KCNMA1: variants seen among roughly 807,000 people sequenced by gnomAD.
KCNMA1 encodes the protein Calcium-activated potassium channel subunit alpha-1.
A neutral mutation model predicts 140.0 loss-of-function variants in KCNMA1; 29 were observed. That is an observed-to-expected ratio of 0.21 (90% CI 0.15 to 0.28). The LOEUF (loss-of-function observed/expected upper bound fraction) is 0.28. Ranked by LOEUF, KCNMA1 falls within the 10% of genes least tolerant of loss-of-function variation. The pLI, the probability that KCNMA1 is intolerant of heterozygous loss-of-function variation, is 1.00. For missense variants in KCNMA1, 880 were observed against 1,602.2 expected (o/e 0.55, Z 7.70); for synonymous variants, 612 against 611.9 (o/e 1.00, Z 0.00).
intron 19 of KCNMA1, among the ~76,000 whole-genome samples, chr10:76,983,616 A>G (rs982317738): frequency 6.6e-6 from 1 of 152,108 alleles, no homozygotes; most frequent in Non-Finnish European, 1.5e-5. Flanking sequence ...AGTCCCAGCT[A>G]CTTGGTAGGC....
chr10:77,214,010 T>A (rs1312961665), intron 3 of KCNMA1, among the ~76,000 whole-genome samples: 1 of 152,060 alleles, frequency 6.6e-6, no homozygotes, highest in Non-Finnish European at 1.5e-5. Context: ...CTAATTCCCA[T>A]AGTCCACCAT....
At chr10:77,397,037 C>T (rs886126262) in intron 2 of KCNMA1, among the ~76,000 whole-genome samples, 2 of 152,136 alleles carry the variant, frequency 1.3e-5, no homozygotes, top group African/African-American at 4.8e-5. Context: ...TCCTTCACCA[C>T]AGGACATAGT....
intron 2 of KCNMA1, among the ~76,000 whole-genome samples, chr10:77,267,983 T>G (rs1273386865): frequency 1.3e-5 from 2 of 152,190 alleles, no homozygotes; most frequent in Non-Finnish European, 2.9e-5. Flanking sequence ...CCCTGCCAAG[T>G]GAATATGCCT....
chr10:77,334,792 T>C (rs973625691), intron 2 of KCNMA1, among the ~76,000 whole-genome samples: 1 of 152,232 alleles, frequency 6.6e-6, no homozygotes, highest in Admixed American at 6.5e-5. Context: ...TTACTCATAT[T>C]AAAAAATGAA....
At chr10:77,247,855 GGTTTAAC>G (rs1181531189) in intron 3 of KCNMA1, among the ~76,000 whole-genome samples, 1 of 152,012 alleles carries the variant, frequency 6.6e-6, no homozygotes, top group Non-Finnish European at 1.5e-5. Context: ...ATTTTAGTAA[GGTTTAAC>G]GTAATTATCT....
intron 1 of KCNMA1, among the ~76,000 whole-genome samples, chr10:77,519,396 T>G (rs1033866937): frequency 6.6e-6 from 1 of 152,216 alleles, no homozygotes; most frequent in Non-Finnish European, 1.5e-5. Context: ...ACCTCACGCT[T>G]TCTGAAATAT....
intron 2 of KCNMA1, among the ~76,000 whole-genome samples, chr10:77,338,006 G>A (rs1375321541): frequency 6.6e-6 from 1 of 152,184 alleles, no homozygotes; most frequent in Non-Finnish European, 1.5e-5. Context: ...ATACACCTTT[G>A]TTGCAGAATC....
At position 77,206,946 on chromosome 10, in the gene KCNMA1, A is replaced by G. The variant is rs573781501; in HGVS notation, c.603-22030T>C. Among the ~76,000 whole-genome samples the G allele has an allele frequency of 9.2e-5, 14 of 152,178 alleles. No individual in the cohort carries two copies. The South Asian group carries it at 2.7e-3, about 29-fold the overall frequency. On this transcript the variant is annotated intron_variant, in intron 3 of 27. Coordinates refer to ENST00000286628, the MANE Select transcript of KCNMA1 (RefSeq NM_001161352.2). ...TGCTCCCACCTCACTTCCTATGTCT[A>G]TATGATTTTTTTGTACTCACAAAAA...
chr10:76,944,672 G>T, intron 23 of KCNMA1, 101 bp downstream of exon 23: 2 of 1,112,448 alleles, frequency 1.8e-6, no homozygotes, highest in Non-Finnish European at 1.4e-6. Context: ...CTGCCAGGCA[G>T]GCTGATGTGA....
chr10:77,008,855 TC>T, intron 18 of KCNMA1, among the ~76,000 whole-genome samples: 1 of 152,266 alleles, frequency 6.6e-6, no homozygotes, highest in East Asian at 1.9e-4. Flanking sequence ...GGCATGGGGG[TC>T]CCCCCAGTGT....
intron 3 of KCNMA1, among the ~76,000 whole-genome samples, chr10:77,196,813 C>A (rs187421654): frequency 1.3e-5 from 2 of 152,122 alleles, no homozygotes; most frequent in Non-Finnish European, 1.5e-5. Flanking sequence ...GCTTGGAATG[C>A]CTCGCCTTTC....
At chr10:77,248,617 A>G (rs898955372) in intron 3 of KCNMA1, among the ~76,000 whole-genome samples, 1 of 152,218 alleles carries the variant, frequency 6.6e-6, no homozygotes, top group African/African-American at 2.4e-5. Flanking sequence ...ATGAATGTGT[A>G]AAACTGGTAA....
intron 1 of KCNMA1, among the ~76,000 whole-genome samples, chr10:77,496,233 C>T (rs1030492539): frequency 2.6e-5 from 4 of 152,078 alleles, no homozygotes; most frequent in African/African-American, 7.2e-5. Context: ...TCACCAGGTG[C>T]GGGTCTTCAA....
chr10:76,884,839 G>T, downstream of KCNMA1: 1 of 1,209,236 alleles, frequency 8.3e-7, no homozygotes, highest in Non-Finnish European at 1.1e-6. Context: ...ACCACAAACA[G>T]AACAATATAA....
intron 1 of KCNMA1, among the ~76,000 whole-genome samples, chr10:77,508,257 C>T (rs1426849755): frequency 3.3e-5 from 5 of 152,124 alleles, no homozygotes; most frequent in South Asian, 4.1e-4. Context: ...CTCACTGAAC[C>T]GCAACCCCCT....
intron 14 of KCNMA1, among the ~76,000 whole-genome samples, chr10:77,068,156 T>C (rs1283912028): frequency 6.6e-6 from 1 of 152,172 alleles, no homozygotes; most frequent in African/African-American, 2.4e-5. Flanking sequence ...CCTGCCACTG[T>C]AAAAGGAGGA....
chr10:77,324,805 T>C (rs537880312), intron 2 of KCNMA1, among the ~76,000 whole-genome samples: 1 of 152,284 alleles, frequency 6.6e-6, no homozygotes, highest in African/African-American at 2.4e-5. Context: ...AGCCAGGCTA[T>C]GGTGGAGGCA....
chr10:76,957,570 C>T lies in KCNMA1; in HGVS notation c.2361-3646G>A, dbSNP rs182275877. 2.4e-4 allele frequency among the ~76,000 whole-genome samples: 37 copies of T among 152,312 alleles called. 1 individual carries two copies. Among genetic ancestry groups the T allele is most frequent in the East Asian group, 5.8e-4 (3 of 5,184 alleles). ...GGTTTTCTATCATTGAGCCATTCCA[C>T]AAGAGCAAGGGATACAGTGAGCATA... On this transcript the variant is annotated intron_variant, in intron 20 of 27. Coordinates refer to ENST00000286628, the MANE Select transcript of KCNMA1 (RefSeq NM_001161352.2).
chr10:77,613,257 C>A (rs1392302107), intron 1 of KCNMA1, among the ~76,000 whole-genome samples: 1 of 152,192 alleles, frequency 6.6e-6, no homozygotes, highest in Non-Finnish European at 1.5e-5. Flanking sequence ...CCAACCTTCC[C>A]CCACAACCTT....
Sources: allele counts gnomAD v4.1 joint callset (sites outside exome capture counted in the v4.1 genomes callset), GRCh38; gene constraint gnomAD v4.1.1; transcripts MANE v1.5; gene names NCBI Gene and HGNC (gene_info 2026-07-23, HGNC 2026-07-21).